The following CLCN5 variants were observed in gnomAD, a reference collection of about 807,000 sequenced individuals.
The protein encoded by CLCN5 is Cl-/H+ antiporter 5.
Under a neutral mutation model 54.0 loss-of-function variants are expected in CLCN5, and 17 were observed. That is an observed-to-expected ratio of 0.31 (90% CI 0.22 to 0.47). The LOEUF (loss-of-function observed/expected upper bound fraction) is 0.47, where lower values mean the gene tolerates loss of function less well. CLCN5 is among the 20% of genes least tolerant of loss of function. The probability of loss-of-function intolerance (pLI) is 1.00; values close to 1 mark genes in which losing one functional copy is unlikely to be tolerated. For missense variants in CLCN5, 448 were observed against 646.7 expected (o/e 0.69, Z 3.33); for synonymous variants, 222 against 233.0 (o/e 0.95, Z 0.43).
intron 3 of CLCN5, among the ~76,000 whole-genome samples, chrX:49,956,329 C>T (rs943543569): frequency 8.9e-6 from 1 of 112,134 alleles, no homozygotes; most frequent in South Asian, 3.7e-4. Flanking sequence ...CTAGCTCTGA[C>T]ACTTGACTAG....
chrX:49,950,055 A>T (rs1192616562), intron 3 of CLCN5, among the ~76,000 whole-genome samples: 1 of 112,043 alleles, frequency 8.9e-6, no homozygotes, highest in African/African-American at 3.2e-5. Flanking sequence ...ACTTGGTGAC[A>T]TGGATGAAAT....
At chrX:50,071,338 T>A (rs1376211991) in intron 5 of CLCN5, among the ~76,000 whole-genome samples, 8 of 112,297 alleles carry the variant, frequency 7.1e-5, no homozygotes, top group African/African-American at 2.6e-4. Context: ...TTCTGCCATT[T>A]GGGAACATAT....
rs1569540484 is a variant in CLCN5, at chrX:50,090,381, G to A, written c.2010G>A (p.Gln670=). 4 of 1,211,694 alleles carry A rather than the reference G, an allele frequency of 3.3e-6. No homozygotes were observed. The South Asian group carries it at 7.0e-5, about 21-fold the overall frequency. Residue 670 remains glutamine (Q), a synonymous_variant, in exon 13 of 15, where the codon CAG becomes CAA. Coordinates refer to ENST00000376091, the MANE Select transcript of CLCN5 (RefSeq NM_001127898.4). The part of the protein sequence containing the change: ...RNDPLLTVLT[Q]DSMTVEDVET... ...ATCCTTTGTTGACTGTCCTTACTCA[G>A]GACAGTATGACTGTGGAAGATGTAG... is the stretch of plus-strand genomic sequence containing the variant.
chrX:50,042,419 C>T lies in CLCN5; in HGVS notation c.120C>T (p.Phe40=), dbSNP rs782515109. The change falls in exon 4 of 15, where the codon TTC becomes TTT. Residue 40 remains phenylalanine (F), a synonymous_variant. Coordinates refer to ENST00000376091, the MANE Select transcript of CLCN5 (RefSeq NM_001127898.4). ...ACATTCCAGCAACCGCTATGGATTT[C>T]TCCATGAGAGATGATGTTCCTCCCT... The part of the protein sequence containing the change: ...LMDIPATAMD[F]SMRDDVPPLD... 2.3e-4 allele frequency: 262 copies of T among 1,131,478 alleles called. No homozygotes were observed. The highest frequency in any genetic ancestry group is 3.0e-4 in the Non-Finnish European group (256 of 848,802). 93.2% of individuals were successfully genotyped at this position (1,131,478 alleles called of 1,213,427 possible).
intron 3 of CLCN5, among the ~76,000 whole-genome samples, chrX:49,948,209 G>T: frequency 1.0e-5 from 1 of 99,548 alleles, no homozygotes. Flanking sequence ...ACAATTACAT[G>T]TTCCTATTAA....
chrX:50,042,459 G>C lies in CLCN5; in HGVS notation c.160G>C (p.Gly54Arg). The part of the protein sequence containing the change: ...DDVPPLDREV[G>R]EDKSYNGGGI... The stretch of plus-strand genomic sequence containing the variant: ...TGTTCCTCCCTTAGACCGAGAAGTA[G>C]GAGGTATCATTATTGGTGATGATAA... The change falls in exon 4 of 15, where the codon GGA becomes CGA. Residue 54 changes from glycine (G) to arginine (R), a missense_variant. Physicochemically the swap from Gly to Arg is moderately radical, Grantham distance 125. Coordinates refer to ENST00000376091, the MANE Select transcript of CLCN5 (RefSeq NM_001127898.4). 9.6e-7 allele frequency: 1 copy of C among 1,041,991 alleles called. No homozygotes were observed. The highest frequency in any genetic ancestry group is 2.9e-5 in the South Asian group (1 of 33,953). 85.9% of individuals were successfully genotyped at this position (1,041,991 alleles called of 1,213,427 possible).
At chrX:50,054,911 A>G (rs981033690) in intron 4 of CLCN5, among the ~76,000 whole-genome samples, 1 of 111,687 alleles carries the variant, frequency 9.0e-6, no homozygotes, top group African/African-American at 3.3e-5. Flanking sequence ...CCAATTCATG[A>G]CACGTGGTAG....
intron 3 of CLCN5, among the ~76,000 whole-genome samples, chrX:49,992,439 TTTAATCA>T (rs1557179117): frequency 4.5e-5 from 5 of 110,778 alleles, no homozygotes; most frequent in Non-Finnish European, 9.4e-5. Flanking sequence ...GGGCTGACAT[TTTAATCA>T]TTACCCCTGT....
At chrX:50,019,489 T>TTTTTTTTTTTA (rs1930975324) in intron 3 of CLCN5, among the ~76,000 whole-genome samples, 12 of 76,186 alleles carry the variant, frequency 1.6e-4, no homozygotes, top group African/African-American at 6.1e-4. Flanking sequence ...TTTTTTTTTT[T>TTTTTTTTTTTA]ATTATACTCT....
intron 3 of CLCN5, among the ~76,000 whole-genome samples, chrX:49,991,377 C>T (rs1345725612): frequency 2.7e-5 from 3 of 111,783 alleles, no homozygotes; most frequent in Non-Finnish European, 5.6e-5. Context: ...TATTCATGTC[C>T]TTAGCCCACT....
chrX:50,094,994 T>C lies in CLCN5; in HGVS notation c.*2775T>C, dbSNP rs895633047. 3 of 112,722 alleles carry C rather than the reference T, an allele frequency of 2.7e-5. No homozygotes were observed. The highest frequency in any genetic ancestry group is 9.4e-5 in the Admixed American group (1 of 10,588). 9.3% of individuals were successfully genotyped at this position (112,722 alleles called of 1,213,427 possible). On this transcript the variant is annotated 3_prime_UTR_variant, in exon 15 of 15. Transcript: ENST00000376091. The stretch of plus-strand genomic sequence containing the variant: ...CAAATACAGCCAGTATAGGGAGGAC[T>C]GTCAGTAGCATCAAATGGCCACATA...
intron 3 of CLCN5, among the ~76,000 whole-genome samples, chrX:49,954,377 C>T (rs1927209140): frequency 9.1e-6 from 1 of 110,175 alleles, no homozygotes; most frequent in African/African-American, 3.3e-5. Flanking sequence ...CGTCAGCTAT[C>T]GCTAATGTAT....
chrX:50,029,158 A>G (rs1427179090), intron 3 of CLCN5, among the ~76,000 whole-genome samples: 1 of 111,703 alleles, frequency 9.0e-6, no homozygotes, highest in African/African-American at 3.3e-5. Context: ...TAAACTTTCT[A>G]TTCTTTTTTT....
intron 3 of CLCN5, among the ~76,000 whole-genome samples, chrX:49,947,998 A>C (rs1412084400): frequency 1.8e-5 from 2 of 109,474 alleles, no homozygotes; most frequent in African/African-American, 6.7e-5. Flanking sequence ...ACAGAGTTGT[A>C]CTCCTCTAGT....
At chrX:50,063,597 C>T (rs2147523590) in intron 4 of CLCN5, among the ~76,000 whole-genome samples, 1 of 107,685 alleles carries the variant, frequency 9.3e-6, no homozygotes, top group South Asian at 4.1e-4. Flanking sequence ...GGAACTGGTA[C>T]CATTCCTTCT....
In CLCN5 at chrX:50,013,650, T is replaced by G. The variant is rs186594951; in HGVS notation, c.17-28666T>G. Among the ~76,000 whole-genome samples the G allele has an allele frequency of 4.2e-4, 47 of 112,530 alleles. 1 individual carries two copies. The East Asian group carries it at 0.013, about 31-fold the overall frequency. Reference sequence around the variant, plus strand: ...AGGAGCCTTATTATCTAAACTTGCCTGCAAGTTTCCTTGCCACACACACTC... The same window carrying G: ...AGGAGCCTTATTATCTAAACTTGCCGGCAAGTTTCCTTGCCACACACACTC... On this transcript the variant is annotated intron_variant, in intron 3 of 14. Coordinates refer to ENST00000376091, the MANE Select transcript of CLCN5 (RefSeq NM_001127898.4).
intron 3 of CLCN5, among the ~76,000 whole-genome samples, chrX:50,016,430 A>G (rs890496055): frequency 1.8e-5 from 2 of 110,478 alleles, no homozygotes; most frequent in African/African-American, 6.6e-5. Flanking sequence ...GTTGTTATAT[A>G]TTCTCGAGAC....
chrX:49,932,062 C>T (rs908952099), intron 3 of CLCN5, among the ~76,000 whole-genome samples: 3 of 111,522 alleles, frequency 2.7e-5, no homozygotes, highest in South Asian at 3.8e-4. Flanking sequence ...TCTACAGGCA[C>T]GCACCACTAT....
At chrX:49,944,907 A>T (rs1177620097) in intron 3 of CLCN5, among the ~76,000 whole-genome samples, 2 of 112,184 alleles carry the variant, frequency 1.8e-5, no homozygotes, top group African/African-American at 6.5e-5. Flanking sequence ...AATATTTATC[A>T]TGTGATATGT....
Sources: gnomAD v4.1 joint callset for allele counts (sites outside exome capture counted in the v4.1 genomes callset) on GRCh38, gnomAD v4.1.1 for gene constraint, MANE v1.5 for transcripts, NCBI Gene and HGNC (gene_info 2026-07-23, HGNC 2026-07-21) for gene names.